The following BTBD7 variants were observed in gnomAD, a reference collection of about 807,000 sequenced individuals.
The protein encoded by BTBD7 is BTB/POZ domain-containing protein 7.
Under a neutral mutation model 99.9 loss-of-function variants are expected in BTBD7, and 38 were observed. The observed-to-expected ratio is 0.38, with a 90% CI of 0.29 to 0.50. BTBD7 has a LOEUF of 0.50. Ranked by LOEUF, BTBD7 falls within the 20% of genes least tolerant of loss-of-function variation. BTBD7 has a pLI of 0.93. For synonymous variants in BTBD7, 520 were observed against 511.4 expected, an observed-to-expected ratio of 1.02 and a Z score of -0.23; for missense variants, 1,170 against 1,394.6, an observed-to-expected ratio of 0.84 and a Z score of 2.57.
chr14:93,306,296 G>A (rs2053069034), intron 1 of BTBD7, among the ~76,000 whole-genome samples: 2 of 152,004 alleles, frequency 1.3e-5, no homozygotes, highest in African/African-American at 2.4e-5. Context: ...AAGGTAATGG[G>A]TTTGAAATCT....
chr14:93,285,093 A>C (rs554826095), intron 3 of BTBD7, among the ~76,000 whole-genome samples: 1 of 152,310 alleles, frequency 6.6e-6, no homozygotes, highest in South Asian at 2.1e-4. Context: ...AAGTACATTC[A>C]AATTTGCTGA....
chr14:93,309,445 G>A lies in BTBD7; in HGVS notation c.-106-13288C>T, dbSNP rs893682891. ...AAAAAGAGTAAAATGGCAAAGCCAA[G>A]ACCAAAGACCAGGCCTTCAATCCCT... On this transcript the variant is annotated intron_variant, in intron 1 of 10. Transcript: ENST00000334746. 3.4e-5 allele frequency among the ~76,000 whole-genome samples: 5 copies of A among 148,410 alleles called. No homozygotes were observed. In the East Asian group the frequency reaches 9.9e-4, roughly 29 times the overall value.
chr14:93,311,745 ATTT>A (rs5810628), intron 1 of BTBD7, among the ~76,000 whole-genome samples: 6 of 142,562 alleles, frequency 4.2e-5, no homozygotes, highest in African/African-American at 1.1e-4. Flanking sequence ...AATATTTTTA[ATTT>A]TTTTTTTTTT....
At chr14:93,257,780 A>G (rs951220591) in intron 5 of BTBD7, among the ~76,000 whole-genome samples, 1 of 152,240 alleles carries the variant, frequency 6.6e-6, no homozygotes, top group African/African-American at 2.4e-5. Flanking sequence ...TCATTAGCCT[A>G]CATATGTGTA....
Position 93,288,868 on chromosome 14 carries a change from A to G in BTBD7, c.1162+4990T>C, listed in dbSNP as rs2052812409. 5 of 1,053,698 alleles carry G rather than the reference A, an allele frequency of 4.7e-6. No individual in the cohort carries two copies. In the South Asian group the frequency reaches 5.2e-5, roughly 11 times the overall value. 65.3% of individuals were successfully genotyped at this position (1,053,698 alleles called of 1,614,324 possible). A position where few individuals can be genotyped will look rare whatever the true frequency, so the allele number is the denominator to read the frequency against. ...TTCTTCTTGTATTTGCCTGGCTGGT[A>G]TTACAGCAGGGGTTAAGGAAGTAGG... is the stretch of plus-strand genomic sequence containing the variant. On this transcript the variant is annotated intron_variant, in intron 3 of 10. Transcript: ENST00000334746.
At chr14:93,317,641 T>C (rs370399892) in intron 1 of BTBD7, among the ~76,000 whole-genome samples, 2 of 152,182 alleles carry the variant, frequency 1.3e-5, no homozygotes, top group African/African-American at 4.8e-5. Flanking sequence ...AAAGACAACA[T>C]AGCAGGCCTA....
chr14:93,290,459 G>GC (rs2052836089), intron 3 of BTBD7, among the ~76,000 whole-genome samples: 1 of 149,670 alleles, frequency 6.7e-6, no homozygotes, highest in South Asian at 2.1e-4. Flanking sequence ...TGATCTGCCT[G>GC]CCCCGGCCTC....
At chr14:93,306,711 G>C (rs148687247) in intron 1 of BTBD7, among the ~76,000 whole-genome samples, 1 of 152,214 alleles carries the variant, frequency 6.6e-6, no homozygotes, top group African/African-American at 2.4e-5. Flanking sequence ...AGTTATTTCT[G>C]GCATAACTTC....
intron 1 of BTBD7, among the ~76,000 whole-genome samples, chr14:93,297,453 G>C (rs2052943014): frequency 6.6e-6 from 1 of 152,194 alleles, no homozygotes; most frequent in South Asian, 2.1e-4. Context: ...CTCCTGAGTA[G>C]CTGGGACTAC....
rs561334878 is a variant in BTBD7, at chr14:93,249,004, G to C, written c.1943-350C>G. 2.0e-5 allele frequency among the ~76,000 whole-genome samples: 3 copies of C among 152,140 alleles called. No individual in the cohort carries two copies. The South Asian group carries it at 6.2e-4, about 32-fold the overall frequency. ...TTATTCAAATAATTTTTTGAGTCCT[G>C]ACTATGCACCAGGGATTGGACTTGG... On this transcript the variant is annotated intron_variant, in intron 8 of 10. Transcript: ENST00000334746.
At chr14:93,290,832 T>C (rs1464061989) in intron 3 of BTBD7, among the ~76,000 whole-genome samples, 1 of 151,932 alleles carries the variant, frequency 6.6e-6, no homozygotes, top group East Asian at 1.9e-4. Context: ...TAGAAGCGTG[T>C]ACCATGATGC....
chr14:93,242,589 T>C lies in BTBD7; in HGVS notation c.3083A>G (p.Asp1028Gly). The change falls in exon 11 of 11, where the codon GAT (aspartate) becomes GGT (glycine). Residue 1028 changes from aspartate to glycine, a missense_variant. Physicochemically the swap from Asp to Gly is moderately conservative, Grantham distance 94. Transcript: ENST00000334746. ...CCGCTGGGGAGGTTGCTCAACGACA[T>C]CCAGGTGTATCGGCTCATTCTTTTG... ...HRQKNEPIHLDVVEQPPQRSD... is the reference protein window; with the variant it reads ...HRQKNEPIHLGVVEQPPQRSD... 1 of 1,614,212 alleles carries C rather than the reference T, an allele frequency of 6.2e-7. No homozygotes were observed. Among genetic ancestry groups the C allele is most frequent in the Non-Finnish European group, 8.5e-7 (1 of 1,180,044 alleles).
At chr14:93,332,773 G>A in intron 1 of BTBD7, 47 bp downstream of exon 1, 1 of 1,458,200 alleles carries the variant, frequency 6.9e-7, no homozygotes, top group African/African-American at 1.5e-5. Flanking sequence ...CGCCACACCG[G>A]ACACAGCCTC....
intron 4 of BTBD7, among the ~76,000 whole-genome samples, chr14:93,263,003 ATTAT>A (rs540047189): frequency 8.9e-4 from 136 of 152,298 alleles, no homozygotes; most frequent in African/African-American, 3.1e-3. Context: ...TGCTGAGTGT[ATTAT>A]TTAACTCTCC....
intron 1 of BTBD7, among the ~76,000 whole-genome samples, chr14:93,307,815 C>T (rs1595333923): frequency 6.6e-6 from 1 of 152,174 alleles, no homozygotes; most frequent in African/African-American, 2.4e-5. Context: ...TAAATCCTCA[C>T]CACATAATAC....
chr14:93,296,012 G>A lies in BTBD7; in HGVS notation c.40C>T (p.Pro14Ser), dbSNP rs139433153. 1.9e-6 allele frequency: 3 copies of A among 1,613,870 alleles called. No individual in the cohort carries two copies. The African/African-American group carries it at 4.0e-5, about 22-fold the overall frequency. The change falls in exon 2 of 11, where the codon CCG (proline) becomes TCG (serine). Residue 14 changes from proline (P) to serine (S), a missense_variant. By Grantham distance (74) the Pro-to-Ser change is moderately conservative. This residue lies in a region of BTBD7 where 359 missense variants were observed against 497.9 expected (regional missense o/e 0.72). Transcript: ENST00000334746. The part of the protein sequence containing the change: ...NASNYPHSCS[P>S]RVGGNSQAQQ... ...GCCTGTGAATTTCCCCCTACCCTCG[G>A]GGAACATGAATGAGGATAATTAGAT...
At chr14:93,323,507 T>C (rs2053293298) in intron 1 of BTBD7, among the ~76,000 whole-genome samples, 1 of 152,196 alleles carries the variant, frequency 6.6e-6, no homozygotes, top group Admixed American at 6.5e-5. Context: ...ACAAGAAAAT[T>C]CTCATGTCTG....
At chr14:93,269,426 G>A (rs757809131) in intron 3 of BTBD7, among the ~76,000 whole-genome samples, 2 of 152,154 alleles carry the variant, frequency 1.3e-5, no homozygotes, top group Non-Finnish European at 2.9e-5. Flanking sequence ...AAGTCCTGTA[G>A]GTACGAAACC....
At chr14:93,305,958 C>T (rs2053064821) in intron 1 of BTBD7, among the ~76,000 whole-genome samples, 1 of 152,140 alleles carries the variant, frequency 6.6e-6, no homozygotes, top group Non-Finnish European at 1.5e-5. Flanking sequence ...TATGGTGGCC[C>T]CACCCTGATG....
Sources: allele counts gnomAD v4.1 joint callset (sites outside exome capture counted in the v4.1 genomes callset), GRCh38; gene constraint gnomAD v4.1.1; regional missense constraint gnomAD v4.1.1; transcripts MANE v1.5; gene names NCBI Gene and HGNC (gene_info 2026-07-23, HGNC 2026-07-21).